Variants in DPP6 observed in about 807,000 individuals in gnomAD.
DPP6 encodes A-type potassium channel modulatory protein DPP6.
A neutral mutation model predicts 122.6 loss-of-function variants in DPP6; 69 were observed. The ratio of observed to expected loss-of-function variants is 0.56; its 90% CI spans 0.46 to 0.69. The LOEUF (loss-of-function observed/expected upper bound fraction) is 0.69, where lower values mean the gene tolerates loss of function less well. DPP6 is among the 30% of genes least tolerant of loss of function. The pLI, the probability that DPP6 is intolerant of heterozygous loss-of-function variation, is 0.00. For synonymous variants in DPP6, 418 were observed against 433.1 expected (o/e 0.97, Z 0.43); for missense variants, 928 against 1,116.9 (o/e 0.83, Z 2.41).
chr7:154,208,600 A>G (rs1799578204), intron 1 of DPP6, among the ~76,000 whole-genome samples: 1 of 152,192 alleles, frequency 6.6e-6, no homozygotes, highest in African/African-American at 2.4e-5. Context: ...TCCCCAACAA[A>G]AGAAAATGGA....
chr7:154,804,781 C>T, intron 14 of DPP6, 136 bp from the exon 15 acceptor site: 2 of 1,251,930 alleles, frequency 1.6e-6, no homozygotes, highest in Non-Finnish European at 2.3e-6. Flanking sequence ...TGTAGCTGGA[C>T]CTGAACAGGG....
chr7:154,157,914 C>T (rs1313326667), intron 1 of DPP6, among the ~76,000 whole-genome samples: 1 of 150,306 alleles, frequency 6.7e-6, no homozygotes, highest in Non-Finnish European at 1.5e-5. Context: ...GCCTGGGCAA[C>T]AAGAGCACAA....
At chr7:153,881,363 G>A in the DPP6 span, among the ~76,000 whole-genome samples, 8 of 152,182 alleles carry the variant, frequency 5.3e-5, no homozygotes, top group South Asian at 2.1e-4. Context: ...ATTAAATTCC[G>A]TTTCCATCTC....
At chr7:153,766,826 G>A in the DPP6 span, among the ~76,000 whole-genome samples, 9 of 152,114 alleles carry the variant, frequency 5.9e-5, no homozygotes, top group East Asian at 1.9e-4. Context: ...AGCAAAAACC[G>A]AAATATATTT....
intron 2 of DPP6, among the ~76,000 whole-genome samples, chr7:154,463,264 G>A (rs1821468687): frequency 7.5e-6 from 1 of 133,730 alleles, no homozygotes; most frequent in Non-Finnish European, 1.5e-5. Context: ...CTGGAGTGCA[G>A]TGGCACGATC....
At chr7:153,835,870 G>C in the DPP6 span, among the ~76,000 whole-genome samples, 3 of 152,150 alleles carry the variant, frequency 2.0e-5, no homozygotes, top group Admixed American at 1.3e-4. Flanking sequence ...GAGCATGCCT[G>C]GTACAACAGT....
intron 1 of DPP6, among the ~76,000 whole-genome samples, chr7:154,353,957 T>C (rs1266786210): frequency 1.3e-5 from 2 of 152,198 alleles, no homozygotes; most frequent in Admixed American, 6.5e-5. Flanking sequence ...GAATTCTCCC[T>C]GAAGTCCTTG....
chr7:153,871,419 C>T, the DPP6 span, among the ~76,000 whole-genome samples: 145 of 152,306 alleles, frequency 9.5e-4, no homozygotes, highest in Admixed American at 2.3e-3. Flanking sequence ...TAGTAATGAG[C>T]GAGGCTCCGT....
At chr7:154,500,191 C>G (rs1312137905) in intron 3 of DPP6, among the ~76,000 whole-genome samples, 2 of 149,616 alleles carry the variant, frequency 1.3e-5, no homozygotes, top group Non-Finnish European at 2.9e-5. Flanking sequence ...GCACAGAAAG[C>G]CACTTTGATC....
intron 1 of DPP6, among the ~76,000 whole-genome samples, chr7:154,167,030 CAT>C (rs1222876308): frequency 6.7e-6 from 1 of 149,498 alleles, no homozygotes; most frequent in African/African-American, 2.6e-5. Context: ...GTGTGGGGCT[CAT>C]GTGCTGAGTT....
At chr7:154,365,679 C>G (rs940112747) in intron 1 of DPP6, among the ~76,000 whole-genome samples, 1 of 151,018 alleles carries the variant, frequency 6.6e-6, no homozygotes, top group African/African-American at 2.4e-5. Context: ...GGGGGCCAGG[C>G]GCGGTGGCTC....
intron 1 of DPP6, among the ~76,000 whole-genome samples, chr7:154,395,095 G>T (rs184320935): frequency 3.3e-5 from 5 of 152,230 alleles, no homozygotes; most frequent in Non-Finnish European, 5.9e-5. Flanking sequence ...TTAAGGCACT[G>T]GCAGATTTCA....
intron 7 of DPP6, among the ~76,000 whole-genome samples, chr7:154,720,434 T>C (rs76769125): frequency 1.2e-4 from 18 of 152,362 alleles, no homozygotes; most frequent in African/African-American, 4.3e-4. Flanking sequence ...TACATCTCAG[T>C]ATGTTTGGGA....
At chr7:154,273,609 G>A (rs1043838688) in intron 1 of DPP6, among the ~76,000 whole-genome samples, 47 of 152,104 alleles carry the variant, frequency 3.1e-4, no homozygotes, top group Non-Finnish European at 8.8e-5. Context: ...AACAATTCAC[G>A]TTCTGTAGAT....
intron 1 of DPP6, among the ~76,000 whole-genome samples, chr7:154,188,622 G>T (rs1269856566): frequency 6.6e-6 from 1 of 152,140 alleles, no homozygotes; most frequent in Non-Finnish European, 1.5e-5. Flanking sequence ...TAAGGTAGTT[G>T]AGTTTTGCGA....
chr7:154,542,200 A>T (rs1490128857), intron 4 of DPP6, among the ~76,000 whole-genome samples: 1 of 152,188 alleles, frequency 6.6e-6, no homozygotes, highest in East Asian at 1.9e-4. Flanking sequence ...ATTAAATAGT[A>T]TTCTGCAAAG....
chr7:154,197,913 C>T (rs1044594504), intron 1 of DPP6, among the ~76,000 whole-genome samples: 2 of 152,158 alleles, frequency 1.3e-5, no homozygotes, highest in Admixed American at 1.3e-4. Flanking sequence ...CCTAGAATTT[C>T]ATTCCAGCAG....
intron 1 of DPP6, among the ~76,000 whole-genome samples, chr7:154,085,001 A>AC (rs1478688087): frequency 3.3e-5 from 5 of 151,600 alleles, no homozygotes; most frequent in South Asian, 4.2e-4. Context: ...AAAAAAAAAA[A>AC]AAAAAAAAAA....
intron 1 of DPP6, among the ~76,000 whole-genome samples, chr7:153,978,240 G>T (rs551479611): frequency 6.6e-6 from 1 of 152,118 alleles, no homozygotes; most frequent in Non-Finnish European, 1.5e-5. Context: ...TTTAATGATC[G>T]CCATTTTAAC....
Sources: allele counts gnomAD v4.1 joint callset (sites outside exome capture counted in the v4.1 genomes callset), GRCh38; gene constraint gnomAD v4.1.1; transcripts MANE v1.5; gene names NCBI Gene and HGNC (gene_info 2026-07-23, HGNC 2026-07-21).